Variants in D2HGDH observed in about 807,000 individuals in gnomAD.
D2HGDH encodes D-2-hydroxyglutarate dehydrogenase.
Under a neutral mutation model 46.9 loss-of-function variants are expected in D2HGDH, and 31 were observed. The ratio of observed to expected loss-of-function variants is 0.66; its 90% CI spans 0.50 to 0.89. The LOEUF (loss-of-function observed/expected upper bound fraction) is 0.89, where lower values mean the gene tolerates loss of function less well. Ranked by LOEUF, D2HGDH falls within the 40% of genes least tolerant of loss-of-function variation. The probability of loss-of-function intolerance (pLI) is 0.00; values close to 1 mark genes in which losing one functional copy is unlikely to be tolerated. For missense variants in D2HGDH, 698 were observed against 720.8 expected (o/e 0.97, Z 0.36); for synonymous variants, 364 against 332.6 (o/e 1.09, Z -1.03).
In D2HGDH at chr2:241,743,933, C is replaced by T. The variant is rs1305847107; in HGVS notation, c.684+118C>T. 2 of 1,180,980 alleles carry T rather than the reference C, an allele frequency of 1.7e-6. No individual in the cohort carries two copies. Among genetic ancestry groups the T allele is most frequent in the Non-Finnish European group, 2.4e-6 (2 of 832,746 alleles). The allele number at this position is 1,180,980 out of a possible 1,614,324, so 73.2% of individuals were successfully genotyped here. A position where few individuals can be genotyped will look rare whatever the true frequency, so the allele number is the denominator to read the frequency against. On this transcript the variant is annotated intron_variant, in intron 5 of 9. Coordinates refer to ENST00000321264, the MANE Select transcript of D2HGDH (RefSeq NM_152783.5). The surrounding 1 kb of genome is among the most constrained non-coding windows in gnomAD (Gnocchi z 4.8). ...CCCTCGGGGTGGGAGGTCTTGGTTC[C>T]TGGCCCTGGGCCCCTCAAGGATGTG...
At chr2:241,736,756 C>T (rs1032277354) in intron 2 of D2HGDH, among the ~76,000 whole-genome samples, 3 of 151,714 alleles carry the variant, frequency 2.0e-5, no homozygotes, top group African/African-American at 4.8e-5. Flanking sequence ...TGCGACCTTC[C>T]CCTCCTGGGT....
rs532321747 is a variant in D2HGDH at position 241,755,611 on chromosome 2, T to C, written c.1141-238T>C. 2.9e-3 allele frequency: 4,342 copies of C among 1,514,996 alleles called. 4 individuals carry two copies. The highest frequency in any genetic ancestry group is 3.4e-3 in the Non-Finnish European group (3,791 of 1,124,588). The allele number at this position is 1,514,996 out of a possible 1,614,324, so 93.8% of individuals were successfully genotyped here. Reference sequence around the variant, plus strand: ...TCACTGTCTGGGATTGATTCCAGGGTTGGAGCCACACCTGGTCTGGGGCAT... The same window carrying C: ...TCACTGTCTGGGATTGATTCCAGGGCTGGAGCCACACCTGGTCTGGGGCAT... On this transcript the variant is annotated intron_variant, in intron 8 of 9. Coordinates refer to ENST00000321264, the MANE Select transcript of D2HGDH (RefSeq NM_152783.5).
intron 2 of D2HGDH, chr2:241,736,327 A>G (rs1368487769): frequency 6.6e-6 from 1 of 152,322 alleles, no homozygotes; most frequent in East Asian, 1.9e-4. Context: ...GCAAGACTAC[A>G]TCTCTAAAAC....
At chr2:241,744,577 A>T in intron 5 of D2HGDH, 132 bp from the exon 6 acceptor site, 1 of 1,132,812 alleles carries the variant, frequency 8.8e-7, no homozygotes, top group East Asian at 2.4e-5. Context: ...TCACTCGTAC[A>T]GGAGGAAAGT....
intron 2 of D2HGDH, among the ~76,000 whole-genome samples, chr2:241,738,854 A>G (rs1425538245): frequency 6.6e-6 from 1 of 152,186 alleles, no homozygotes; most frequent in East Asian, 1.9e-4. Flanking sequence ...TCTGCTCAGT[A>G]GGTGTTTGCT....
rs765618124 is a variant in D2HGDH at position 241,755,710 on chromosome 2, G to A, written c.1141-139G>A. ...GGGGTTGGAGCCACACCTGGTCTGG[G>A]GCATTTGCTGTCCGGGGTCGGAGCC... On this transcript the variant is annotated intron_variant, in intron 8 of 9. Coordinates refer to ENST00000321264, the MANE Select transcript of D2HGDH (RefSeq NM_152783.5). 2.5e-5 allele frequency: 39 copies of A among 1,567,356 alleles called. No individual in the cohort carries two copies. The South Asian group carries it at 3.8e-4, about 15-fold the overall frequency.
At chr2:241,738,466 C>T (rs1432904047) in intron 2 of D2HGDH, among the ~76,000 whole-genome samples, 1 of 152,186 alleles carries the variant, frequency 6.6e-6, no homozygotes, top group East Asian at 1.9e-4. Context: ...GCTTGGGTTC[C>T]CGTGCTCCCA....
chr2:241,741,001 C>T (rs992154420), intron 2 of D2HGDH, 32 bp from the exon 3 acceptor site: 14 of 1,599,956 alleles, frequency 8.8e-6, no homozygotes, highest in African/African-American at 2.7e-5. Context: ...GCTCCCCCCA[C>T]GCTGTCTCAT....
At chr2:241,751,455 C>T (rs1697187862) in intron 8 of D2HGDH, 67 bp downstream of exon 8, 16 of 1,595,478 alleles carry the variant, frequency 1.0e-5, no homozygotes, top group Admixed American at 1.7e-5. Context: ...CTTGGGATGC[C>T]TGGAACGGTC....
rs377034676 is a variant in D2HGDH at position 241,744,792 on chromosome 2, C to T, written c.768C>T (p.Ile256=). The part of the protein sequence containing the change: ...NTGYDLKQLF[I]GSEGTLGIIT... ...GCTATGACCTGAAGCAGCTGTTCATCGGGTCGGAGGGCACTTTGGGGATCA... is the reference window on the plus strand; with the variant it reads ...GCTATGACCTGAAGCAGCTGTTCATTGGGTCGGAGGGCACTTTGGGGATCA... The change falls in exon 6 of 10, where the codon ATC becomes ATT. Residue 256 remains isoleucine, a synonymous_variant. Coordinates refer to ENST00000321264, the MANE Select transcript of D2HGDH (RefSeq NM_152783.5). 117 of 1,614,200 alleles carry T rather than the reference C, an allele frequency of 7.2e-5. No homozygotes were observed. Among genetic ancestry groups the T allele is most frequent in the African/African-American group, 5.3e-4 (40 of 75,036 alleles).
chr2:241,767,777 G>T lies in D2HGDH; in HGVS notation c.1374G>T (p.Glu458Asp). Residue 458 changes from glutamate to aspartate, a missense_variant, in exon 10 of 10, where the codon GAG becomes GAT. Transcript: ENST00000321264. ...AFSPSLLAAL[E>D]PHVYEWTAGQ... is the part of the protein sequence containing the mutation. ...GCCCCTCGCTCCTGGCTGCCCTGGA[G>T]CCCCACGTGTACGAGTGGACGGCCG... is the stretch of plus-strand genomic sequence containing the variant. 6.2e-7 allele frequency: 1 copy of T among 1,612,552 alleles called. No individual in the cohort carries two copies. Among genetic ancestry groups the T allele is most frequent in the Non-Finnish European group, 8.5e-7 (1 of 1,179,602 alleles).
At chr2:241,735,811 G>T in intron 2 of D2HGDH, 1 of 450,962 alleles carries the variant, frequency 2.2e-6, no homozygotes, top group Non-Finnish European at 4.0e-6. Context: ...TCGCCAGGCC[G>T]GAGTGCAGTG....
chr2:241,763,996 C>T (rs1699059532), intron 9 of D2HGDH, among the ~76,000 whole-genome samples: 1 of 152,194 alleles, frequency 6.6e-6, no homozygotes, highest in Non-Finnish European at 1.5e-5. Context: ...GTGTGAGCCA[C>T]GATCACTCTA....
At chr2:241,750,429 G>A in intron 7 of D2HGDH, 135 bp downstream of exon 7, 3 of 1,103,428 alleles carry the variant, frequency 2.7e-6, no homozygotes, top group Non-Finnish European at 3.9e-6. Context: ...GGCGGAGCAT[G>A]GAGTGGCCGT....
At position 241,734,855 on chromosome 2, in the gene D2HGDH, C is replaced by T. The variant is rs900362266; in HGVS notation, c.-93+160C>T. ...CAGCTCGTCACGTGACCGCGTGGAA[C>T]ACGCGCGCGCGTCCGCGGGATCCCC... On this transcript the variant is annotated intron_variant, in intron 1 of 9. Coordinates refer to ENST00000321264, the MANE Select transcript of D2HGDH (RefSeq NM_152783.5). The T allele has an allele frequency of 1.5e-4, 17 of 115,762 alleles. No individual in the cohort carries two copies. In the South Asian group the frequency reaches 4.1e-3, roughly 28 times the overall value. The allele number at this position is 115,762 out of a possible 1,614,324, so 7.2% of individuals were successfully genotyped here. A position where few individuals can be genotyped will look rare whatever the true frequency, so the allele number is the denominator to read the frequency against.
At chr2:241,756,275 G>A (rs563537085) in intron 9 of D2HGDH, among the ~76,000 whole-genome samples, 16 of 152,350 alleles carry the variant, frequency 1.1e-4, no homozygotes, top group East Asian at 9.6e-4. Context: ...TTGTCAGAAC[G>A]TTCTGGGATC....
chr2:241,753,467 C>T (rs1040492285), intron 8 of D2HGDH, among the ~76,000 whole-genome samples: 1 of 152,048 alleles, frequency 6.6e-6, no homozygotes, highest in African/African-American at 2.4e-5. Context: ...TGCTGTTGTC[C>T]GGTGTTGGCG....
intron 2 of D2HGDH, 84 bp downstream of exon 2, chr2:241,735,600 A>T: frequency 6.4e-7 from 1 of 1,564,048 alleles, no homozygotes; most frequent in Non-Finnish European, 8.6e-7. Flanking sequence ...CGGGCTGAGA[A>T]CAACCTGGAT....
intron 6 of D2HGDH, among the ~76,000 whole-genome samples, chr2:241,747,384 C>T (rs951621864): frequency 1.7e-5 from 2 of 118,112 alleles, no homozygotes; most frequent in Non-Finnish European, 3.3e-5. Flanking sequence ...TACCTTCCTC[C>T]AGAGAGGGTT....
Sources: allele counts gnomAD v4.1 joint callset (sites outside exome capture counted in the v4.1 genomes callset), GRCh38; gene constraint gnomAD v4.1.1; non-coding constraint Gnocchi (gnomAD v3.1); transcripts MANE v1.5; gene names NCBI Gene and HGNC (gene_info 2026-07-23, HGNC 2026-07-21).